The following AP3D1 variants were observed in gnomAD, a reference collection of about 807,000 sequenced individuals.
The protein encoded by AP3D1 is AP-3 complex subunit delta-1.
Under a neutral mutation model 147.6 loss-of-function variants are expected in AP3D1, and 51 were observed. The ratio of observed to expected loss-of-function variants is 0.35; its 90% CI spans 0.28 to 0.44. The LOEUF is 0.44. Among genes scored for constraint, AP3D1 ranks in the 20% least tolerant of loss-of-function variants. The pLI is 1.00. For synonymous variants in AP3D1, 760 were observed against 663.0 expected, an observed-to-expected ratio of 1.15 and a Z score of -2.25; for missense variants, 1,421 against 1,624.2, an observed-to-expected ratio of 0.87 and a Z score of 2.15.
At position 2,125,835 on chromosome 19, in the gene AP3D1, G is replaced by A. The variant is rs1376601263; in HGVS notation, c.856+1317C>T. On this transcript the variant is annotated intron_variant, in intron 9 of 31. Coordinates refer to ENST00000643116, the MANE Select transcript of AP3D1 (RefSeq NM_001261826.3). ...TGTCAACTATACCTAAGTAAAGCTA[G>A]AAAAAAAAAAACAAAAGAGATGGGG... is the stretch of plus-strand genomic sequence containing the variant. Among the ~76,000 whole-genome samples, 5 of 145,696 alleles carry A rather than the reference G, an allele frequency of 3.4e-5. No homozygotes were observed. The East Asian group carries it at 6.0e-4, about 17-fold the overall frequency.
intron 31 of AP3D1, among the ~76,000 whole-genome samples, chr19:2,107,179 G>A (rs969331011): frequency 4.0e-5 from 6 of 151,478 alleles, no homozygotes; most frequent in African/African-American, 1.2e-4. Flanking sequence ...AGAATGGCAT[G>A]AGCCCGGGAG....
chr19:2,104,587 G>A (rs538531177), intron 31 of AP3D1, among the ~76,000 whole-genome samples: 13 of 147,282 alleles, frequency 8.8e-5, no homozygotes, highest in Non-Finnish European at 1.3e-4. Context: ...AAACCAACAC[G>A]AAGACCCCAA....
intron 4 of AP3D1, 107 bp downstream of exon 4, chr19:2,136,904 G>A (rs1045928682): frequency 1.9e-6 from 2 of 1,066,698 alleles, no homozygotes; most frequent in African/African-American, 1.6e-5. Context: ...GCACTCAAGG[G>A]GGCCACAGGC....
Position 2,129,329 on chromosome 19 carries a change from T to C in AP3D1, c.721A>G (p.Ile241Val). ...CGGGCAGTACTTGCCAGCTTGATGA[T>C]CTTGATGAGGACCCAGTTGTTGGTG... ...SSTNNWVLIKIIKLFGALTPL... is the reference protein window; with the variant it reads ...SSTNNWVLIKVIKLFGALTPL... The change falls in exon 7 of 32, where the codon ATC (isoleucine) becomes GTC (valine). Residue 241 changes from isoleucine to valine, a missense_variant. This residue lies in a region of AP3D1 where 292 missense variants were observed against 412.0 expected (regional missense o/e 0.71). Transcript: ENST00000643116. The C allele has an allele frequency of 8.1e-6, 13 of 1,613,930 alleles. No individual in the cohort carries two copies. The highest frequency in any genetic ancestry group is 1.1e-5 in the Non-Finnish European group (13 of 1,179,984).
chr19:2,145,662 G>T (rs768709250), intron 1 of AP3D1, among the ~76,000 whole-genome samples: 3 of 152,044 alleles, frequency 2.0e-5, no homozygotes, highest in Non-Finnish European at 4.4e-5. Context: ...AAAGCTCAAC[G>T]CAAGTGAGCA....
At chr19:2,127,909 C>G (rs10406120) in intron 8 of AP3D1, among the ~76,000 whole-genome samples, 144,443 of 152,354 alleles carry the variant, frequency 0.95, 68,502 homozygotes, top group East Asian at 1. Flanking sequence ...TCACCTGCAG[C>G]GTAGGGCCGC....
intron 1 of AP3D1, among the ~76,000 whole-genome samples, chr19:2,146,426 A>G (rs1438308290): frequency 6.6e-6 from 1 of 152,140 alleles, no homozygotes; most frequent in African/African-American, 2.4e-5. Flanking sequence ...CGATACAGTG[A>G]AACCCCGTCT....
intron 1 of AP3D1, among the ~76,000 whole-genome samples, chr19:2,161,943 C>CAATA (rs200473884): frequency 0.045 from 6,609 of 148,108 alleles, 204 homozygotes; most frequent in East Asian, 0.14. Flanking sequence ...AAGACTATGT[C>CAATA]AATAAATAAA....
rs192092843 is a variant in AP3D1, at chr19:2,121,326, A to G, written c.1102-15T>C. 9.3e-6 allele frequency: 15 copies of G among 1,613,850 alleles called. No individual in the cohort carries two copies. The African/African-American group carries it at 1.6e-4, about 17-fold the overall frequency. The stretch of plus-strand genomic sequence containing the variant: ...TTCTTGGACACCTGGGCAAAAGTGT[A>G]CAGACAGTGGTGAGAGCGGACCCAG... On this transcript the variant is annotated splice_polypyrimidine_tract_variant and intron_variant, in intron 12 of 31. Transcript: ENST00000643116.
intron 1 of AP3D1, among the ~76,000 whole-genome samples, chr19:2,148,227 TAA>T (rs2019414355): frequency 6.6e-6 from 1 of 152,042 alleles, no homozygotes; most frequent in Non-Finnish European, 1.5e-5. Context: ...AACAAAATAT[TAA>T]AAGTCGTTTG....
At chr19:2,155,780 C>T (rs1234685853), upstream of AP3D1, among the ~76,000 whole-genome samples, 2 of 152,008 alleles carry the variant, frequency 1.3e-5, no homozygotes, top group Non-Finnish European at 2.9e-5. Flanking sequence ...GGGCCGGGCG[C>T]GGTGGCTCAC....
intron 25 of AP3D1, 118 bp from the exon 26 acceptor site, chr19:2,111,450 G>A: frequency 7.4e-7 from 1 of 1,356,994 alleles, no homozygotes; most frequent in Non-Finnish European, 1.0e-6. Flanking sequence ...TTGGGGCAAG[G>A]GGCTTCAAAG....
chr19:2,116,195 G>A lies in AP3D1; in HGVS notation c.2073+12C>T. 1.2e-6 allele frequency: 2 copies of A among 1,613,984 alleles called. No homozygotes were observed. Among genetic ancestry groups the A allele is most frequent in the Non-Finnish European group, 1.7e-6 (2 of 1,179,914 alleles). The stretch of plus-strand genomic sequence containing the variant: ...GGGTGCTGAGGGACAGGCACCCGGG[G>A]ACGGGCCTCACCTTCTGTGGCGATG... On this transcript the variant is annotated intron_variant, in intron 18 of 31. Coordinates refer to ENST00000643116, the MANE Select transcript of AP3D1 (RefSeq NM_001261826.3).
chr19:2,119,374 C>A (rs1034527240), intron 14 of AP3D1, among the ~76,000 whole-genome samples: 1 of 151,576 alleles, frequency 6.6e-6, no homozygotes, highest in Non-Finnish European at 1.5e-5. Context: ...CTGGCCAACA[C>A]GGTGAAACCC....
chr19:2,127,035 C>T, intron 9 of AP3D1, 117 bp downstream of exon 9: 2 of 1,134,734 alleles, frequency 1.8e-6, no homozygotes, highest in Non-Finnish European at 2.6e-6. Flanking sequence ...AGCTTTCCTT[C>T]TCAGTTCCAG....
At chr19:2,122,008 C>A (rs1288888407) in intron 11 of AP3D1, 129 bp from the exon 12 acceptor site, 4 of 1,071,390 alleles carry the variant, frequency 3.7e-6, no homozygotes, top group Middle Eastern at 2.5e-4. Flanking sequence ...TGGGGGTGGA[C>A]AGAGCAAGTA....
intron 27 of AP3D1, 130 bp downstream of exon 27, chr19:2,110,577 A>G (rs970291259): frequency 1.9e-4 from 187 of 986,292 alleles, no homozygotes; most frequent in Non-Finnish European, 2.6e-4. Flanking sequence ...CTCAGGAGGT[A>G]CTGAGGTGCA....
intron 17 of AP3D1, 124 bp from the exon 18 acceptor site, chr19:2,116,402 A>G (rs761386092): frequency 2.2e-5 from 27 of 1,238,112 alleles, no homozygotes; most frequent in Non-Finnish European, 2.7e-5. Context: ...CTGAGCTTTC[A>G]CTAACAGGGA....
intron 30 of AP3D1, 31 bp from the exon 31 acceptor site, chr19:2,108,797 C>T (rs898227406): frequency 1.0e-5 from 16 of 1,551,074 alleles, no homozygotes; most frequent in South Asian, 5.9e-5. Context: ...TTAGGCTTCC[C>T]GGACATTGCA....
Sources: gnomAD v4.1 joint callset for allele counts (sites outside exome capture counted in the v4.1 genomes callset) on GRCh38, gnomAD v4.1.1 for gene constraint, gnomAD v4.1.1 regional missense constraint, MANE v1.5 for transcripts, NCBI Gene and HGNC (gene_info 2026-07-23, HGNC 2026-07-21) for gene names.